The following COL21A1 variants were observed in gnomAD, a reference collection of about 807,000 sequenced individuals.
The protein encoded by COL21A1 is collagen alpha-1(XXI) chain.
Under a neutral mutation model 137.9 loss-of-function variants are expected in COL21A1, and 149 were observed. The observed-to-expected ratio is 1.08, with a 90% CI of 0.95 to 1.24. The LOEUF is 1.24. Among genes scored for constraint, COL21A1 ranks in the 50% most tolerant of loss-of-function variants. COL21A1 has a pLI of 0.00. For synonymous variants in COL21A1, 456 were observed against 391.5 expected, an observed-to-expected ratio of 1.16 and a Z score of -1.95; for missense variants, 1,167 against 1,158.4, an observed-to-expected ratio of 1.01 and a Z score of -0.11.
At chr6:56,179,542 T>C in intron 3 of COL21A1, 36 bp downstream of exon 3, 2 of 1,488,152 alleles carry the variant, frequency 1.3e-6, no homozygotes, top group South Asian at 2.6e-5. Flanking sequence ...AATTATTAAT[T>C]GCTTCCAAAT....
chr6:56,375,856 A>G (rs2093998286), intron 1 of COL21A1, among the ~76,000 whole-genome samples: 1 of 152,184 alleles, frequency 6.6e-6, no homozygotes. Flanking sequence ...GACATATTGC[A>G]TTCAGTTTAG....
At chr6:56,326,627 T>C (rs1265495689) in intron 1 of COL21A1, among the ~76,000 whole-genome samples, 5 of 152,020 alleles carry the variant, frequency 3.3e-5, no homozygotes, top group African/African-American at 9.7e-5. Context: ...TTCTCTCTGA[T>C]TGACAATTTT....
chr6:56,283,947 C>T (rs7745111), intron 1 of COL21A1, among the ~76,000 whole-genome samples: 36,543 of 151,622 alleles, frequency 0.24, 5,755 homozygotes, highest in East Asian at 0.67. Flanking sequence ...CAGGAGTGGC[C>T]GACCTGGGGC....
Position 56,393,750 on chromosome 6 carries a change from C to G in COL21A1, c.-39+221G>C, listed in dbSNP as rs116311441. Among the ~76,000 whole-genome samples the G allele has an allele frequency of 9.1e-3, 1,382 of 152,288 alleles. 29 individuals carry two copies. Among genetic ancestry groups the G allele is most frequent in the African/African-American group, 0.032 (1,340 of 41,560 alleles). ...ATGAGGCAGGTAGAAAATTGCCAGT[C>G]CCCAGAGTGTGCTAGTCCCCAGAGG... On this transcript the variant is annotated intron_variant, in intron 1 of 28. Coordinates refer to the COL21A1 transcript ENST00000370819.
chr6:56,168,189 A>C lies in COL21A1; in HGVS notation c.1135T>G (p.Leu379Val). 1 of 1,560,422 alleles carries C rather than the reference A, an allele frequency of 6.4e-7. No homozygotes were observed. The highest frequency in any genetic ancestry group is 8.7e-7 in the Non-Finnish European group (1 of 1,149,798). Residue 379 changes from leucine (L) to valine (V), a missense_variant, in exon 6 of 30, where the codon TTA (leucine) becomes GTA (valine). Physicochemically the swap from Leu to Val is conservative, Grantham distance 32 (BLOSUM62 1). Transcript: ENST00000244728. ...GTTTGCCCATTGATCAAGATCCCTA[A>C]AACTGGATGTAAGGGCTTGTTTTCA... ...QIENKPLHPV[L>V]GILINGQTQI...
At chr6:56,176,818 A>G (rs1777505776) in intron 3 of COL21A1, among the ~76,000 whole-genome samples, 1 of 147,874 alleles carries the variant, frequency 6.8e-6, no homozygotes, top group South Asian at 2.2e-4. Context: ...TGTGTTTTAT[A>G]TGAGGGGGAA....
chr6:56,352,814 C>T (rs1356640660), intron 1 of COL21A1, among the ~76,000 whole-genome samples: 1 of 152,092 alleles, frequency 6.6e-6, no homozygotes, highest in Admixed American at 6.6e-5. Context: ...CCAAGGCGGG[C>T]AAATCAGCTG....
At chr6:56,338,960 T>C (rs72873663) in intron 1 of COL21A1, among the ~76,000 whole-genome samples, 4,488 of 152,268 alleles carry the variant, frequency 0.029, 111 homozygotes, top group Non-Finnish European at 0.047. Context: ...GATCTCTTTT[T>C]GTAACTATCT....
chr6:56,169,707 C>T (rs1198167610), intron 5 of COL21A1, among the ~76,000 whole-genome samples: 2 of 151,882 alleles, frequency 1.3e-5, no homozygotes, highest in African/African-American at 2.4e-5. Flanking sequence ...AAAATTATTT[C>T]ATTTATGCAG....
In COL21A1 at chr6:56,187,154, G is replaced by T. The variant is rs557136961; in HGVS notation, c.-38-4498C>A. 3.3e-5 allele frequency among the ~76,000 whole-genome samples: 5 copies of T among 152,314 alleles called. No individual in the cohort carries two copies. The South Asian group carries it at 1.0e-3, about 32-fold the overall frequency. ...GGTGAGGACCTTACAGCTGGTGGGGGTTTTCTGCAGAGTCTCAATGTGGTG... is the reference window on the plus strand; with the variant it reads ...GGTGAGGACCTTACAGCTGGTGGGGTTTTTCTGCAGAGTCTCAATGTGGTG... On this transcript the variant is annotated intron_variant, in intron 1 of 29. Coordinates refer to ENST00000244728, the MANE Select transcript of COL21A1 (RefSeq NM_030820.4).
intron 16 of COL21A1, among the ~76,000 whole-genome samples, chr6:56,107,016 T>C (rs1770991340): frequency 6.6e-6 from 1 of 152,082 alleles, no homozygotes; most frequent in Non-Finnish European, 1.5e-5. Flanking sequence ...CTCGATCTCC[T>C]AACCTCATGA....
intron 17 of COL21A1, among the ~76,000 whole-genome samples, chr6:56,098,437 A>G (rs1289664922): frequency 1.2e-4 from 1 of 8,014 alleles, no homozygotes; most frequent in Non-Finnish European, 1.9e-4. Flanking sequence ...ATAAATATAT[A>G]TAAATATATA....
rs192198794 is a variant in COL21A1 at position 56,350,188 on chromosome 6, C to T, written c.-39+43783G>A. On this transcript the variant is annotated intron_variant, in intron 1 of 28. Transcript: ENST00000370819. ...CTAGGATTCAATATACACTTGCAGT[C>T]CACTCCAAACTGGGGAGCAGGGGCA... Among the ~76,000 whole-genome samples the T allele has an allele frequency of 1.1e-3, 167 of 152,298 alleles. 1 individual carries two copies. The highest frequency in any genetic ancestry group is 3.9e-3 in the African/African-American group (161 of 41,564).
chr6:56,258,544 G>A (rs1399038136), intron 1 of COL21A1, among the ~76,000 whole-genome samples: 1 of 151,988 alleles, frequency 6.6e-6, no homozygotes. Context: ...CTTATGACAA[G>A]ATAAAGATGC....
At chr6:56,241,452 C>T (rs1782318068) in intron 1 of COL21A1, among the ~76,000 whole-genome samples, 1 of 152,196 alleles carries the variant, frequency 6.6e-6, no homozygotes, top group South Asian at 2.1e-4. Flanking sequence ...AGACACATAT[C>T]ATCCCTAGTT....
At chr6:56,098,586 AATATATAAAT>A (rs1770006506) in intron 17 of COL21A1, among the ~76,000 whole-genome samples, 3 of 7,950 alleles carry the variant, frequency 3.8e-4, no homozygotes, top group East Asian at 0.015. Flanking sequence ...AATATATATA[AATATATAAAT>A]ATATATATAA....
Position 56,316,664 on chromosome 6 carries a change from T to C in COL21A1, c.-39+77307A>G, listed in dbSNP as rs369611354. On this transcript the variant is annotated intron_variant, in intron 1 of 28. Transcript: ENST00000370819. ...ACCTGGCTAATTTGTGTATTTTTAG[T>C]AGAGATGAGGTTTTGTCATGTTGCC... 4.6e-5 allele frequency among the ~76,000 whole-genome samples: 7 copies of C among 151,794 alleles called. No homozygotes were observed. In the East Asian group the frequency reaches 1.4e-3, roughly 30 times the overall value.
intron 17 of COL21A1, among the ~76,000 whole-genome samples, chr6:56,086,934 C>G (rs1047359059): frequency 1.6e-4 from 24 of 152,144 alleles, no homozygotes; most frequent in African/African-American, 5.8e-4. Context: ...GTCTTCTTCC[C>G]ATAGTCTGGC....
Position 56,346,481 on chromosome 6 carries a change from G to A in COL21A1, c.-39+47490C>T, listed in dbSNP as rs181389216. On this transcript the variant is annotated intron_variant, in intron 1 of 28. Transcript: ENST00000370819. ...ACTAAAAGCTACTTTATGTGAAATA[G>A]TACTGAGAAATTATTTGGCTCTACC... is the stretch of plus-strand genomic sequence containing the variant. Among the ~76,000 whole-genome samples, 8 of 152,248 alleles carry A rather than the reference G, an allele frequency of 5.3e-5. No homozygotes were observed. The East Asian group carries it at 1.5e-3, about 29-fold the overall frequency.
Sources: gnomAD v4.1 joint callset for allele counts (sites outside exome capture counted in the v4.1 genomes callset) on GRCh38, gnomAD v4.1.1 for gene constraint, MANE v1.5 for transcripts, NCBI Gene and HGNC (gene_info 2026-07-23, HGNC 2026-07-21) for gene names.